The following PTGDR variants were observed in gnomAD, a reference collection of about 807,000 sequenced individuals.
PTGDR encodes the protein prostaglandin D2 receptor, also known as PGD2 receptor.
In PTGDR, 19 loss-of-function variants were observed where a neutral mutation model predicts 17.4. The observed-to-expected ratio is 1.09, with a 90% CI of 0.76 to 1.60. PTGDR has a LOEUF of 1.60. Ranked by LOEUF, PTGDR falls within the 40% of genes most tolerant of loss-of-function variation. The pLI, the probability that PTGDR is intolerant of heterozygous loss-of-function variation, is 0.00. For synonymous variants in PTGDR, 267 were observed against 224.2 expected (o/e 1.19, Z -1.71); for missense variants, 526 against 481.9 (o/e 1.09, Z -0.86).
intron 1 of PTGDR, among the ~76,000 whole-genome samples, chr14:52,274,485 T>G (rs1409998215): frequency 6.6e-6 from 1 of 152,182 alleles, no homozygotes; most frequent in Non-Finnish European, 1.5e-5. Flanking sequence ...TTCAGGGACT[T>G]AATCAGACTG....
chr14:52,268,183 C>G lies in PTGDR; in HGVS notation c.369C>G (p.Leu123=). 4 of 1,614,190 alleles carry G rather than the reference C, an allele frequency of 2.5e-6. No homozygotes were observed. Among genetic ancestry groups the G allele is most frequent in the Non-Finnish European group, 2.5e-6 (3 of 1,180,044 alleles). ...TTGGGCTCTCCTCGACACTGCAACTCCTGGCCATGGCACTGGAGTGCTGGC... is the reference window on the plus strand; with the variant it reads ...TTGGGCTCTCCTCGACACTGCAACTGCTGGCCATGGCACTGGAGTGCTGGC... ...SFFGLSSTLQ[L]LAMALECWLS... The change falls in exon 1 of 2, where the codon CTC becomes CTG. Residue 123 remains leucine (L), a synonymous_variant. Transcript: ENST00000306051.
chr14:52,268,176 T>C lies in PTGDR; in HGVS notation c.362T>C (p.Leu121Pro). 6.2e-7 allele frequency: 1 copy of C among 1,614,172 alleles called. No individual in the cohort carries two copies. The highest frequency in any genetic ancestry group is 8.5e-7 in the Non-Finnish European group (1 of 1,180,030). Reference protein sequence around the residue: ...FMSFFGLSSTLQLLAMALECW... With the variant: ...FMSFFGLSSTPQLLAMALECW... ...TCCTTCTTTGGGCTCTCCTCGACAC[T>C]GCAACTCCTGGCCATGGCACTGGAG... Residue 121 changes from leucine (L) to proline (P), a missense_variant, in exon 1 of 2, where the codon CTG becomes CCG. Leu to Pro is a moderately conservative substitution (Grantham distance 98). Coordinates refer to ENST00000306051, the MANE Select transcript of PTGDR (RefSeq NM_000953.3).
Position 52,267,706 on chromosome 14 carries a change from G to C in PTGDR, c.-109G>C. The C allele has an allele frequency of 7.0e-7, 1 of 1,427,158 alleles. No individual in the cohort carries two copies. The highest frequency in any genetic ancestry group is 1.5e-5 in the African/African-American group (1 of 68,510). The allele number at this position is 1,427,158 out of a possible 1,614,324, so 88.4% of individuals were successfully genotyped here. ...CCCTCGGAGCTTTTTCTGTGGCGCA[G>C]CTTCTCCGCCCGAGCCGCGCGCGGA... On this transcript the variant is annotated 5_prime_UTR_variant, in exon 1 of 2. Transcript: ENST00000306051.
At chr14:52,277,936 C>T (rs2033449060), downstream of PTGDR, among the ~76,000 whole-genome samples, 1 of 152,202 alleles carries the variant, frequency 6.6e-6, no homozygotes, top group Non-Finnish European at 1.5e-5. Context: ...ACCTCTGATT[C>T]TCAGATCCTT....
chr14:52,277,098 A>G (rs970768371), downstream of PTGDR, among the ~76,000 whole-genome samples: 19 of 152,222 alleles, frequency 1.2e-4, no homozygotes, highest in Admixed American at 5.9e-4. Flanking sequence ...TGTGCCAAGC[A>G]GTTGATTAGG....
downstream of PTGDR, among the ~76,000 whole-genome samples, chr14:52,279,147 T>C (rs987238863): frequency 2.6e-5 from 4 of 152,180 alleles, no homozygotes; most frequent in Admixed American, 2.6e-4. Flanking sequence ...GCGTTCTCTC[T>C]CATGATAGTC....
chr14:52,274,450 C>T (rs2033380865), intron 1 of PTGDR, among the ~76,000 whole-genome samples: 1 of 152,212 alleles, frequency 6.6e-6, no homozygotes, highest in Non-Finnish European at 1.5e-5. Flanking sequence ...GACCTAGAAA[C>T]TTGAGCCCAG....
At position 52,274,792 on chromosome 14, in the gene PTGDR, C is replaced by A; in HGVS notation, c.908C>A (p.Ala303Glu). The A allele has an allele frequency of 3.1e-6, 5 of 1,613,874 alleles. No homozygotes were observed. Among genetic ancestry groups the A allele is most frequent in the Non-Finnish European group, 4.2e-6 (5 of 1,179,746 alleles). Residue 303 changes from alanine to glutamate, a missense_variant, in exon 2 of 2, where the codon GCA becomes GAA. By Grantham distance (107) the Ala-to-Glu change is moderately radical. Coordinates refer to ENST00000306051, the MANE Select transcript of PTGDR (RefSeq NM_000953.3). ...VKEKNRTSEE[A>E]EDLRALRFLS... Reference sequence around the variant, plus strand: ...GAGAAAAACAGGACCTCTGAAGAAGCAGAAGACCTCCGAGCCTTGCGATTT... The same window carrying A: ...GAGAAAAACAGGACCTCTGAAGAAGAAGAAGACCTCCGAGCCTTGCGATTT...
At chr14:52,274,158 AT>A (rs1038760946) in intron 1 of PTGDR, among the ~76,000 whole-genome samples, 4 of 151,292 alleles carry the variant, frequency 2.6e-5, no homozygotes, top group East Asian at 3.9e-4. Flanking sequence ...GTTGAACAGT[AT>A]TTTTTTCCAA....
rs531570630 is a variant in PTGDR at position 52,276,539 on chromosome 14, G to GA, written c.*1582dup. ...GTATGATTTAACAGTATGACATGAT[G>GA]AAAAAAATACAGTTGTTTTTGAAAT... On this transcript the variant is annotated 3_prime_UTR_variant, in exon 2 of 2. Coordinates refer to ENST00000306051, the MANE Select transcript of PTGDR (RefSeq NM_000953.3). 6.6e-6 allele frequency: 1 copy of GA among 152,200 alleles called. No individual in the cohort carries two copies. Among genetic ancestry groups the GA allele is most frequent in the Non-Finnish European group, 1.5e-5 (1 of 67,996 alleles). The allele number at this position is 152,200 out of a possible 1,614,324, so 9.4% of individuals were successfully genotyped here.
chr14:52,274,481 G>A (rs1050221365), intron 1 of PTGDR, among the ~76,000 whole-genome samples: 1 of 152,172 alleles, frequency 6.6e-6, no homozygotes. Context: ...AGCCTTCAGG[G>A]ACTTAATCAG....
chr14:52,268,495 G>A lies in PTGDR; in HGVS notation c.681G>A (p.Ala227=). ...CNLGAMRNLY[A]MHRRLQRHPR... ...TCGGCGCCATGCGCAACCTCTATGC[G>A]ATGCACCGGCGGCTGCAGCGGCACC... The change falls in exon 1 of 2, where the codon GCG becomes GCA. Residue 227 remains alanine, a synonymous_variant. Transcript: ENST00000306051. 1 of 1,610,882 alleles carries A rather than the reference G, an allele frequency of 6.2e-7. No individual in the cohort carries two copies. Among genetic ancestry groups the A allele is most frequent in the Non-Finnish European group, 8.5e-7 (1 of 1,179,856 alleles).
At position 52,268,520 on chromosome 14, in the gene PTGDR, C is replaced by T; in HGVS notation, c.706C>T (p.Pro236Ser). 1 of 1,611,802 alleles carries T rather than the reference C, an allele frequency of 6.2e-7. No individual in the cohort carries two copies. Among genetic ancestry groups the T allele is most frequent in the South Asian group, 1.1e-5 (1 of 91,010 alleles). The change falls in exon 1 of 2, where the codon CCG becomes TCG. Residue 236 changes from proline to serine, a missense_variant. Coordinates refer to ENST00000306051, the MANE Select transcript of PTGDR (RefSeq NM_000953.3). ...YAMHRRLQRH[P>S]RSCTRDCAEP... The stretch of plus-strand genomic sequence containing the variant: ...GATGCACCGGCGGCTGCAGCGGCAC[C>T]CGCGCTCCTGCACCAGGGACTGTGC...
intron 1 of PTGDR, among the ~76,000 whole-genome samples, chr14:52,273,173 C>T (rs756776998): frequency 5.3e-5 from 8 of 152,098 alleles, no homozygotes; most frequent in African/African-American, 7.2e-5. Context: ...CCACCATGCC[C>T]GGCTGATTTT....
Position 52,275,417 on chromosome 14 carries a change from A to AT in PTGDR, c.*457dup, listed in dbSNP as rs1198880643. 1.3e-5 allele frequency: 2 copies of AT among 157,454 alleles called. No homozygotes were observed. Among genetic ancestry groups the AT allele is most frequent in the Non-Finnish European group, 2.8e-5 (2 of 71,394 alleles). The allele number at this position is 157,454 out of a possible 1,614,324, so 9.8% of individuals were successfully genotyped here. On this transcript the variant is annotated 3_prime_UTR_variant, in exon 2 of 2. Transcript: ENST00000306051. ...TTTTTTGGTGAAACCTGATTCATTG[A>AT]TTTTATATCATTGCCGATGTTTAGT...
chr14:52,267,740 G>C lies in PTGDR; in HGVS notation c.-75G>C, dbSNP rs1046884751. The stretch of plus-strand genomic sequence containing the variant: ...CCCGAGCCGCGCGCGGAGCTGCCGG[G>C]GGCTCCTTAGCACCCGGGCGCCGGG... On this transcript the variant is annotated 5_prime_UTR_variant, in exon 1 of 2. Coordinates refer to ENST00000306051, the MANE Select transcript of PTGDR (RefSeq NM_000953.3). 4 of 1,451,856 alleles carry C rather than the reference G, an allele frequency of 2.8e-6. No individual in the cohort carries two copies. Among genetic ancestry groups the C allele is most frequent in the Non-Finnish European group, 3.6e-6 (4 of 1,106,344 alleles). The allele number at this position is 1,451,856 out of a possible 1,614,324, so 89.9% of individuals were successfully genotyped here.
chr14:52,267,945 C>G lies in PTGDR; in HGVS notation c.131C>G (p.Ser44Trp). The G allele has an allele frequency of 1.2e-6, 2 of 1,609,720 alleles. No individual in the cohort carries two copies. The highest frequency in any genetic ancestry group is 1.7e-6 in the Non-Finnish European group (2 of 1,179,196). ...CTGGCCCTGGGGCTGCTGGCGCGCTCGGGGCTGGGGTGGTGCTCGCGGCGT... is the reference window on the plus strand; with the variant it reads ...CTGGCCCTGGGGCTGCTGGCGCGCTGGGGGCTGGGGTGGTGCTCGCGGCGT... ...NLLALGLLAR[S>W]GLGWCSRRPL... Residue 44 changes from serine to tryptophan, a missense_variant, in exon 1 of 2, where the codon TCG becomes TGG. Ser to Trp is a radical substitution (Grantham distance 177). Transcript: ENST00000306051.
chr14:52,274,933 G>A lies in PTGDR; in HGVS notation c.1049G>A (p.Ser350Asn), dbSNP rs1160152169. ...CCTCTTAGGTACAGGAGCCGGTGCAGCAATTCCACTAACATGGAATCCAGT... is the reference window on the plus strand; with the variant it reads ...CCTCTTAGGTACAGGAGCCGGTGCAACAATTCCACTAACATGGAATCCAGT... ...IRPLRYRSRC[S>N]NSTNMESSL is the part of the protein sequence containing the mutation. Residue 350 changes from serine (S) to asparagine (N), a missense_variant, in exon 2 of 2, where the codon AGC becomes AAC. By Grantham distance (46) the Ser-to-Asn change is conservative. Transcript: ENST00000306051. 1 of 1,590,494 alleles carries A rather than the reference G, an allele frequency of 6.3e-7. No individual in the cohort carries two copies.
rs572021133 is a variant in PTGDR, at chr14:52,267,965, C to T, written c.151C>T (p.Arg51Trp). 2.5e-5 allele frequency: 40 copies of T among 1,609,358 alleles called. No homozygotes were observed. In the East Asian group the frequency reaches 8.3e-4, roughly 33 times the overall value. Residue 51 changes from arginine to tryptophan, a missense_variant, in exon 1 of 2, where the codon CGG becomes TGG. Coordinates refer to ENST00000306051, the MANE Select transcript of PTGDR (RefSeq NM_000953.3). Reference protein sequence around the residue: ...LARSGLGWCSRRPLRPLPSVF... With the variant: ...LARSGLGWCSWRPLRPLPSVF... ...GCGCTCGGGGCTGGGGTGGTGCTCGCGGCGTCCACTGCGCCCGCTGCCCTC... is the reference window on the plus strand; with the variant it reads ...GCGCTCGGGGCTGGGGTGGTGCTCGTGGCGTCCACTGCGCCCGCTGCCCTC...
Sources: gnomAD v4.1 joint callset for allele counts (sites outside exome capture counted in the v4.1 genomes callset) on GRCh38, gnomAD v4.1.1 for gene constraint, MANE v1.5 for transcripts, NCBI Gene and HGNC (gene_info 2026-07-23, HGNC 2026-07-21) for gene names.